Variants in FOXP2 observed in about 807,000 individuals in gnomAD.
FOXP2 encodes the protein forkhead box protein P2.
In FOXP2, 12 loss-of-function variants were observed where a neutral mutation model predicts 115.8. The ratio of observed to expected loss-of-function variants is 0.10; its 90% CI spans 0.07 to 0.17. The LOEUF is 0.17. FOXP2 is among the 10% of genes least tolerant of loss of function. FOXP2 has a pLI of 1.00. For synonymous variants in FOXP2, 328 were observed against 297.7 expected, an observed-to-expected ratio of 1.10 and a Z score of -1.05; for missense variants, 629 against 843.5, an observed-to-expected ratio of 0.75 and a Z score of 3.15.
chr7:114,657,304 A>G (rs567225950), intron 10 of FOXP2, among the ~76,000 whole-genome samples: 2 of 152,106 alleles, frequency 1.3e-5, no homozygotes, highest in African/African-American at 4.8e-5. Context: ...CCTGACACCC[A>G]CTTTCCAGGG....
At chr7:114,183,816 G>C (rs556036731) in intron 1 of FOXP2, among the ~76,000 whole-genome samples, 18 of 152,128 alleles carry the variant, frequency 1.2e-4, no homozygotes, top group African/African-American at 4.1e-4. Context: ...TTAGGTTTAC[G>C]AAAACCCCCC....
chr7:114,143,743 T>C (rs1792288808), intron 1 of FOXP2, among the ~76,000 whole-genome samples: 1 of 152,110 alleles, frequency 6.6e-6, no homozygotes. Flanking sequence ...AATCCTACCA[T>C]GTGTCCAAAA....
At chr7:114,097,192 T>C (rs1799671448) in intron 1 of FOXP2, among the ~76,000 whole-genome samples, 1 of 152,204 alleles carries the variant, frequency 6.6e-6, no homozygotes. Flanking sequence ...GTTCTTTATT[T>C]TTTGACAAAC....
intron 2 of FOXP2, among the ~76,000 whole-genome samples, chr7:114,342,483 T>G (rs934799676): frequency 6.6e-6 from 1 of 151,420 alleles, no homozygotes; most frequent in African/African-American, 2.4e-5. Context: ...TATTTACTTA[T>G]AAAAATGAGA....
rs111542252 is a variant in FOXP2, at chr7:114,493,658, ACT to A, written c.169-40941_169-40940del. Reference sequence around the variant, plus strand: ...ATCTCACACGCACCCACACACACATACTCTCTCTCTCTCTCTCTCATTCTGTC... The same window carrying A: ...ATCTCACACGCACCCACACACACATACTCTCTCTCTCTCTCTCATTCTGTC... On this transcript the variant is annotated intron_variant, in intron 2 of 16. Transcript: ENST00000350908. Among the ~76,000 whole-genome samples the A allele has an allele frequency of 5.9e-3, 868 of 147,294 alleles. 9 individuals are homozygous for A. The highest frequency in any genetic ancestry group is 0.035 in the East Asian group (175 of 5,052).
chr7:114,219,059 T>A (rs2129163316), intron 1 of FOXP2, among the ~76,000 whole-genome samples: 1 of 152,282 alleles, frequency 6.6e-6, no homozygotes, highest in South Asian at 2.1e-4. Flanking sequence ...TATTCAGCAT[T>A]GCAACTGAAC....
chr7:114,588,535 T>C (rs1802269384), intron 3 of FOXP2, among the ~76,000 whole-genome samples: 1 of 152,158 alleles, frequency 6.6e-6, no homozygotes, highest in African/African-American at 2.4e-5. Context: ...ACAATACATA[T>C]CTTCTTTATG....
At chr7:114,526,374 G>T (rs1798863944) in intron 2 of FOXP2, among the ~76,000 whole-genome samples, 2 of 151,024 alleles carry the variant, frequency 1.3e-5, no homozygotes, top group Admixed American at 1.3e-4. Flanking sequence ...ATACTCGGGA[G>T]GCCGAGGCAG....
chr7:114,447,071 T>C (rs556409551), intron 2 of FOXP2, among the ~76,000 whole-genome samples: 1 of 152,136 alleles, frequency 6.6e-6, no homozygotes, highest in East Asian at 1.9e-4. Context: ...TAAGTGGCAC[T>C]TTAGTCTACT....
chr7:114,330,466 C>CT (rs1797676169), intron 2 of FOXP2, among the ~76,000 whole-genome samples: 1 of 130,320 alleles, frequency 7.7e-6, no homozygotes, highest in South Asian at 2.8e-4. Flanking sequence ...GATCTTGTCT[C>CT]TAAAAAAAAA....
rs1806905090 is a variant in FOXP2 at position 114,662,148 on chromosome 7, A to G, written c.1731A>G (p.Glu577=). The change falls in exon 14 of 17, where the codon GAA becomes GAG. Residue 577 remains glutamate (E), a synonymous_variant. Transcript: ENST00000350908. ...AAGGAGCAGTATGGACTGTGGATGAAGTAGAATACCAGAAGCGAAGGTCAC... is the reference window on the plus strand; with the variant it reads ...AAGGAGCAGTATGGACTGTGGATGAGGTAGAATACCAGAAGCGAAGGTCAC... The part of the protein sequence containing the change: ...NVKGAVWTVD[E]VEYQKRRSQK... 1.2e-6 allele frequency: 2 copies of G among 1,612,830 alleles called. No homozygotes were observed. Among genetic ancestry groups the G allele is most frequent in the African/African-American group, 1.3e-5 (1 of 74,862 alleles).
At chr7:114,262,975 C>T (rs910323471) in intron 1 of FOXP2, among the ~76,000 whole-genome samples, 1 of 152,002 alleles carries the variant, frequency 6.6e-6, no homozygotes, top group Non-Finnish European at 1.5e-5. Context: ...TCATTTTTCT[C>T]TTATCCACTA....
chr7:114,096,081 C>T (rs868841734), intron 1 of FOXP2, among the ~76,000 whole-genome samples: 3 of 152,098 alleles, frequency 2.0e-5, no homozygotes, highest in African/African-American at 7.2e-5. Flanking sequence ...GTCCCCATCA[C>T]GTGACATATA....
chr7:114,422,964 C>G (rs1220083335), intron 1 of FOXP2, among the ~76,000 whole-genome samples: 1 of 151,628 alleles, frequency 6.6e-6, no homozygotes, highest in African/African-American at 2.4e-5. Context: ...AAGACTACAT[C>G]TTGATGCAAA....
chr7:114,337,009 A>G (rs1018857713), intron 2 of FOXP2, among the ~76,000 whole-genome samples: 2 of 151,550 alleles, frequency 1.3e-5, no homozygotes, highest in African/African-American at 4.8e-5. Flanking sequence ...GCAGATACAT[A>G]ATAAGCATAA....
At chr7:114,331,605 C>G (rs1797716482) in intron 2 of FOXP2, among the ~76,000 whole-genome samples, 1 of 151,702 alleles carries the variant, frequency 6.6e-6, no homozygotes, top group African/African-American at 2.4e-5. Flanking sequence ...CGAGGAATAA[C>G]ATTACTTTCA....
At chr7:114,229,514 C>A (rs1211267416) in intron 1 of FOXP2, among the ~76,000 whole-genome samples, 2 of 151,492 alleles carry the variant, frequency 1.3e-5, no homozygotes, top group African/African-American at 4.8e-5. Context: ...AACAAGTTTG[C>A]AAATGTAAGA....
In FOXP2 at chr7:114,426,605, A is replaced by C; in HGVS notation, c.94A>C (p.Arg32=). Residue 32 remains arginine, a synonymous_variant, in exon 2 of 17, where the codon AGA becomes CGA. Transcript: ENST00000350908. Reference sequence around the variant, plus strand: ...AAGCAGCCAATTAGATGCTGGCAGCAGAGATGGAAGATCAAGTGGTGACAC... The same window carrying C: ...AAGCAGCCAATTAGATGCTGGCAGCCGAGATGGAAGATCAAGTGGTGACAC... ...TLSSQLDAGS[R]DGRSSGDTSS... The C allele has an allele frequency of 6.2e-7, 1 of 1,611,758 alleles. No homozygotes were observed. Among genetic ancestry groups the C allele is most frequent in the Non-Finnish European group, 8.5e-7 (1 of 1,178,458 alleles).
chr7:114,226,932 A>T (rs1354340386), intron 1 of FOXP2, among the ~76,000 whole-genome samples: 1 of 152,096 alleles, frequency 6.6e-6, no homozygotes, highest in Non-Finnish European at 1.5e-5. Context: ...CTTCATTGAA[A>T]TCCATTTTAC....
Sources: allele counts gnomAD v4.1 joint callset (sites outside exome capture counted in the v4.1 genomes callset), GRCh38; gene constraint gnomAD v4.1.1; transcripts MANE v1.5; gene names NCBI Gene and HGNC (gene_info 2026-07-23, HGNC 2026-07-21).